The following ABCA13 variants were observed in gnomAD, a reference collection of about 807,000 sequenced individuals.
ABCA13 encodes the protein ATP binding cassette subfamily A member 13.
In ABCA13, 476 loss-of-function variants were observed where a neutral mutation model predicts 478.7. That is an observed-to-expected ratio of 0.99 (90% CI 0.92 to 1.07). The LOEUF (loss-of-function observed/expected upper bound fraction) is 1.07, where lower values mean the gene tolerates loss of function less well. Among genes scored for constraint, ABCA13 ranks in the 50% least tolerant of loss-of-function variants. The probability of loss-of-function intolerance (pLI) is 0.00; values close to 1 mark genes in which losing one functional copy is unlikely to be tolerated. For synonymous variants in ABCA13, 2,252 were observed against 2,158.9 expected (o/e 1.04, Z -1.20); for missense variants, 6,060 against 5,910.6 (o/e 1.03, Z -0.83).
At chr7:48,365,204 G>T (rs1261899828) in intron 31 of ABCA13, among the ~76,000 whole-genome samples, 4 of 152,016 alleles carry the variant, frequency 2.6e-5, no homozygotes, top group Non-Finnish European at 2.9e-5. Context: ...GCCATTTGTG[G>T]TCGTTTATTT....
chr7:48,527,032 A>G (rs1180157307), intron 54 of ABCA13, among the ~76,000 whole-genome samples: 1 of 152,172 alleles, frequency 6.6e-6, no homozygotes, highest in Admixed American at 6.5e-5. Context: ...CATGAGTGGT[A>G]TTGTCTTCAA....
In ABCA13 at chr7:48,272,958, A is replaced by G. The variant is rs180777990; in HGVS notation, c.3292A>G (p.Lys1098Glu). 2 of 1,613,494 alleles carry G rather than the reference A, an allele frequency of 1.2e-6. No homozygotes were observed. The highest frequency in any genetic ancestry group is 1.7e-6 in the Non-Finnish European group (2 of 1,179,614). The change falls in exon 17 of 62, where the codon AAA becomes GAA. Residue 1098 changes from lysine (K) to glutamate (E), a missense_variant. Lys to Glu is a moderately conservative substitution (Grantham distance 56). Coordinates refer to ENST00000435803, the MANE Select transcript of ABCA13 (RefSeq NM_152701.5). ...NSSVEDLLDNKCLISDNKHIS... is the reference protein window; with the variant it reads ...NSSVEDLLDNECLISDNKHIS... Reference sequence around the variant, plus strand: ...TTCAGTAGAAGACCTATTGGATAATAAATGCTTGATTTCGGACAATAAACA... The same window carrying G: ...TTCAGTAGAAGACCTATTGGATAATGAATGCTTGATTTCGGACAATAAACA...
At position 48,276,522 on chromosome 7, in the gene ABCA13, C is replaced by T. The variant is rs1230733061; in HGVS notation, c.6856C>T (p.Leu2286Phe). ...LKEDSENKISLLLKYFHKDVI... is the reference protein window; with the variant it reads ...LKEDSENKISFLLKYFHKDVI... ...GGAAGATTCTGAGAACAAAATATCTCTTCTGCTGAAATATTTCCACAAAGA... is the reference window on the plus strand; with the variant it reads ...GGAAGATTCTGAGAACAAAATATCTTTTCTGCTGAAATATTTCCACAAAGA... The change falls in exon 17 of 62, where the codon CTT (leucine) becomes TTT (phenylalanine). Residue 2286 changes from leucine (L) to phenylalanine (F), a missense_variant. Physicochemically the swap from Leu to Phe is conservative, Grantham distance 22. Coordinates refer to ENST00000435803, the MANE Select transcript of ABCA13 (RefSeq NM_152701.5). 1.9e-6 allele frequency: 3 copies of T among 1,611,778 alleles called. No homozygotes were observed. Among genetic ancestry groups the T allele is most frequent in the Non-Finnish European group, 1.7e-6 (2 of 1,179,480 alleles).
chr7:48,637,567 A>G (rs1329445480), intron 59 of ABCA13, among the ~76,000 whole-genome samples: 1 of 152,098 alleles, frequency 6.6e-6, no homozygotes, highest in South Asian at 2.1e-4. Context: ...GGAAATGTTC[A>G]GAGACCATTA....
chr7:48,513,355 T>C (rs866707547), intron 51 of ABCA13, among the ~76,000 whole-genome samples: 3 of 152,346 alleles, frequency 2.0e-5, no homozygotes, highest in Middle Eastern at 3.4e-3. Context: ...CGCAGTCTTA[T>C]TGTTTTTCTT....
At chr7:48,459,258 C>G (rs763340795) in intron 43 of ABCA13, among the ~76,000 whole-genome samples, 1 of 152,104 alleles carries the variant, frequency 6.6e-6, no homozygotes, top group Non-Finnish European at 1.5e-5. Flanking sequence ...CGGACCTGCT[C>G]AAAACCTTGA....
intron 29 of ABCA13, among the ~76,000 whole-genome samples, chr7:48,339,197 A>G (rs1193630478): frequency 6.6e-6 from 1 of 152,196 alleles, no homozygotes; most frequent in East Asian, 1.9e-4. Context: ...TGCCTTACAT[A>G]TGAAAGTTAG....
chr7:48,395,308 C>G (rs939317753), intron 38 of ABCA13, among the ~76,000 whole-genome samples: 1 of 152,054 alleles, frequency 6.6e-6, no homozygotes, highest in East Asian at 1.9e-4. Flanking sequence ...GCACTAAGAA[C>G]AGATTAGGCC....
chr7:48,245,915 T>C lies in ABCA13; in HGVS notation c.1544T>C (p.Val515Ala), dbSNP rs1477878962. ...CPNGRFSEKEVFLPPGNSSIW... is the reference protein window; with the variant it reads ...CPNGRFSEKEAFLPPGNSSIW... ...AATGGTCGTTTCTCTGAGAAGGAGG[T>C]CTTTTTGCCGCCTGGAAACTCCAGC... Residue 515 changes from valine to alanine, a missense_variant, in exon 13 of 62, where the codon GTC becomes GCC. This residue lies in a region of ABCA13 where 4,423 missense variants were observed against 4,309.1 expected (regional missense o/e 1.03). Coordinates refer to ENST00000435803, the MANE Select transcript of ABCA13 (RefSeq NM_152701.5). The C allele has an allele frequency of 3.7e-6, 6 of 1,613,596 alleles. No homozygotes were observed. The Admixed American group carries it at 8.3e-5, about 22-fold the overall frequency.
chr7:48,596,307 A>G (rs1384407580), intron 58 of ABCA13, among the ~76,000 whole-genome samples: 3 of 152,014 alleles, frequency 2.0e-5, no homozygotes, highest in African/African-American at 4.8e-5. Context: ...ACATTCCCCA[A>G]TTTTCACTGC....
At chr7:48,501,276 G>A (rs559060408) in intron 48 of ABCA13, among the ~76,000 whole-genome samples, 16 of 152,186 alleles carry the variant, frequency 1.1e-4, no homozygotes, top group African/African-American at 3.9e-4. Context: ...CATTCTCTGT[G>A]TATTAGCTTT....
intron 1 of ABCA13, among the ~76,000 whole-genome samples, chr7:48,181,298 G>T (rs928287819): frequency 1.3e-5 from 2 of 152,138 alleles, no homozygotes; most frequent in Non-Finnish European, 2.9e-5. Context: ...GAGGCCTGGT[G>T]ATTACGTGCA....
At chr7:48,175,860 ACTT>A (rs1794796450) in intron 1 of ABCA13, among the ~76,000 whole-genome samples, 1 of 151,734 alleles carries the variant, frequency 6.6e-6, no homozygotes, top group Admixed American at 6.6e-5. Context: ...TTCACCAGCT[ACTT>A]CTTATTTTAA....
At chr7:48,233,941 A>T (rs1789555351) in intron 7 of ABCA13, 77 bp from the exon 8 acceptor site, 4 of 1,523,356 alleles carry the variant, frequency 2.6e-6, no homozygotes, top group Non-Finnish European at 2.7e-6. Context: ...GAAAAAAGGT[A>T]TTTTTTTTCT....
intron 55 of ABCA13, among the ~76,000 whole-genome samples, chr7:48,573,883 C>T (rs1787912426): frequency 6.6e-6 from 1 of 152,088 alleles, no homozygotes; most frequent in South Asian, 2.1e-4. Context: ...GGATCTGCTA[C>T]AGCCCTGTCT....
At chr7:48,260,820 A>G (rs1311583790) in intron 15 of ABCA13, among the ~76,000 whole-genome samples, 1 of 151,744 alleles carries the variant, frequency 6.6e-6, no homozygotes, top group Non-Finnish European at 1.5e-5. Context: ...TGATTCTTTT[A>G]CTTATATCCC....
intron 31 of ABCA13, among the ~76,000 whole-genome samples, chr7:48,357,302 A>C (rs1340082606): frequency 6.6e-6 from 1 of 152,058 alleles, no homozygotes; most frequent in Non-Finnish European, 1.5e-5. Flanking sequence ...TTTAGTCAAT[A>C]GTCATTGTTC....
chr7:48,327,353 C>T (rs1584863128), intron 27 of ABCA13, among the ~76,000 whole-genome samples: 1 of 152,058 alleles, frequency 6.6e-6, no homozygotes, highest in Non-Finnish European at 1.5e-5. Flanking sequence ...GGAAACTGCC[C>T]CCGTTATTTA....
At position 48,275,739 on chromosome 7, in the gene ABCA13, T is replaced by G; in HGVS notation, c.6073T>G (p.Leu2025Val). The change falls in exon 17 of 62, where the codon TTA (leucine) becomes GTA (valine). Residue 2025 changes from leucine (L) to valine (V), a missense_variant. This residue lies in a region of ABCA13 where 4,423 missense variants were observed against 4,309.1 expected (regional missense o/e 1.03). Transcript: ENST00000435803. ...AAAAAGTACGCATAATCTACTCTCT[T>G]TATTCATGATGCTCCAGAATGCAAA... ...LEKSTHNLLS[L>V]FMMLQNANVT... 1.2e-6 allele frequency: 2 copies of G among 1,607,720 alleles called. No individual in the cohort carries two copies. The highest frequency in any genetic ancestry group is 8.5e-7 in the Non-Finnish European group (1 of 1,176,416).
Sources: allele counts gnomAD v4.1 joint callset (sites outside exome capture counted in the v4.1 genomes callset), GRCh38; gene constraint gnomAD v4.1.1; regional missense constraint gnomAD v4.1.1; transcripts MANE v1.5; gene names NCBI Gene and HGNC (gene_info 2026-07-23, HGNC 2026-07-21).